ADAM9: variants seen among roughly 807,000 people sequenced by gnomAD.
ADAM9 encodes disintegrin and metalloproteinase domain-containing protein 9.
In ADAM9, 54 loss-of-function variants were observed where a neutral mutation model predicts 108.1. That is an observed-to-expected ratio of 0.50 (90% confidence interval 0.40 to 0.63). ADAM9 has a LOEUF of 0.63. Among genes scored for constraint, ADAM9 ranks in the 20% least tolerant of loss-of-function variants. The probability of loss-of-function intolerance (pLI) is 0.00; values close to 1 mark genes in which losing one functional copy is unlikely to be tolerated. For missense variants in ADAM9, 830 were observed against 997.7 expected (o/e 0.83, Z 2.26); for synonymous variants, 316 against 336.0 (o/e 0.94, Z 0.65).
chr8:39,011,359 A>T (rs2129432434), intron 2 of ADAM9, among the ~76,000 whole-genome samples: 1 of 152,324 alleles, frequency 6.6e-6, no homozygotes, highest in South Asian at 2.1e-4. Context: ...ACTGTAGGTA[A>T]TACATCGATG....
At chr8:39,045,236 GTGTATACATACATATATGTGTATATA>G (rs1451688669) in intron 12 of ADAM9, among the ~76,000 whole-genome samples, 6 of 146,590 alleles carry the variant, frequency 4.1e-5, no homozygotes, top group Non-Finnish European at 6.1e-5. Flanking sequence ...GTGTATATAT[GTGTATACATACATATATGTGTATATA>G]TGTGTATACA....
rs986772796 is a variant in ADAM9 at position 39,103,896 on chromosome 8, G to A, written c.*196G>A. On this transcript the variant is annotated 3_prime_UTR_variant, in exon 22 of 22. Coordinates refer to ENST00000487273, the MANE Select transcript of ADAM9 (RefSeq NM_003816.3). ...AATACAAGGAAATGCAGTAAAGCCA[G>A]GGAATTTACAATAACATTTCCGTTT... 7.2e-6 allele frequency: 5 copies of A among 698,478 alleles called. No individual in the cohort carries two copies. Among genetic ancestry groups the A allele is most frequent in the Non-Finnish European group, 1.3e-5 (5 of 385,544 alleles). 43.3% of individuals were successfully genotyped at this position (698,478 alleles called of 1,614,324 possible).
chr8:39,014,181 T>C (rs1836451179), intron 4 of ADAM9, 138 bp downstream of exon 4: 11 of 727,148 alleles, frequency 1.5e-5, no homozygotes, highest in South Asian at 9.4e-5. Flanking sequence ...ATGGGTTATC[T>C]TGGGAAAAGT....
chr8:39,013,975 C>T lies in ADAM9; in HGVS notation c.265C>T (p.Pro89Ser). ...TTATTTCTCTTCCAGAGACCTTTTG[C>T]CTGAAGATTTTGTGGTTTATACTTA... is the stretch of plus-strand genomic sequence containing the variant. Reference protein sequence around the residue: ...IHLERNKDLLPEDFVVYTYNK... With the variant: ...IHLERNKDLLSEDFVVYTYNK... The change falls in exon 4 of 22, where the codon CCT becomes TCT. Residue 89 changes from proline (P) to serine (S), a missense_variant. By Grantham distance (74) the Pro-to-Ser change is moderately conservative. Around this residue, in one of 3 missense-constraint regions of ADAM9, gnomAD observed 211 missense variants for 222.2 expected, o/e 0.95. Transcript: ENST00000487273. 6.2e-7 allele frequency: 1 copy of T among 1,613,046 alleles called. No homozygotes were observed. The highest frequency in any genetic ancestry group is 8.5e-7 in the Non-Finnish European group (1 of 1,179,366).
intron 6 of ADAM9, 135 bp downstream of exon 6, chr8:39,017,549 G>A (rs370514857): frequency 8.4e-6 from 7 of 836,098 alleles, no homozygotes; most frequent in East Asian, 8.0e-5. Flanking sequence ...CAGACATTGT[G>A]ATAGGTACTA....
intron 2 of ADAM9, among the ~76,000 whole-genome samples, chr8:39,009,886 T>A (rs1196137083): frequency 5.1e-5 from 4 of 78,640 alleles, no homozygotes; most frequent in Non-Finnish European, 9.3e-5. Context: ...GGAGCTTGCA[T>A]TCTAGTGATG....
At chr8:39,034,107 GGTT>G (rs1156787059) in intron 11 of ADAM9, among the ~76,000 whole-genome samples, 1 of 152,072 alleles carries the variant, frequency 6.6e-6, no homozygotes, top group African/African-American at 2.4e-5. Context: ...TGCCCAGGCT[GGTT>G]TTGAACTCCT....
intron 20 of ADAM9, among the ~76,000 whole-genome samples, chr8:39,097,074 A>T (rs1564386149): frequency 6.6e-6 from 1 of 151,988 alleles, no homozygotes; most frequent in Non-Finnish European, 1.5e-5. Context: ...TTTGTCATTT[A>T]TTATTGGGAT....
chr8:39,017,062 C>G, intron 5 of ADAM9, 157 bp from the exon 6 acceptor site: 1 of 789,294 alleles, frequency 1.3e-6, no homozygotes, highest in South Asian at 1.7e-5. Context: ...TAGGTCCGTC[C>G]CAGCCCTATC....
chr8:39,044,727 G>C (rs1486144895), intron 12 of ADAM9, among the ~76,000 whole-genome samples: 1 of 152,144 alleles, frequency 6.6e-6, no homozygotes, highest in African/African-American at 2.4e-5. Context: ...AGAATATGCA[G>C]TGTTTGATTT....
chr8:39,087,204 C>A (rs1420966224), intron 18 of ADAM9, among the ~76,000 whole-genome samples: 1 of 152,184 alleles, frequency 6.6e-6, no homozygotes, highest in Non-Finnish European at 1.5e-5. Context: ...TGTTAACTTT[C>A]TTTAGGCACT....
At chr8:38,999,765 T>A (rs974379280) in intron 1 of ADAM9, among the ~76,000 whole-genome samples, 48 of 152,228 alleles carry the variant, frequency 3.2e-4, no homozygotes, top group Non-Finnish European at 1.0e-4. Context: ...ACCAAATTTA[T>A]ATTTGCTCTT....
chr8:39,078,596 A>G (rs575167157), intron 16 of ADAM9, among the ~76,000 whole-genome samples: 2 of 152,272 alleles, frequency 1.3e-5, no homozygotes, highest in African/African-American at 4.8e-5. Flanking sequence ...AGCCTGACCA[A>G]CATGGTGAAA....
intron 1 of ADAM9, among the ~76,000 whole-genome samples, chr8:39,000,281 C>T (rs1427321918): frequency 2.6e-5 from 4 of 152,254 alleles, no homozygotes; most frequent in African/African-American, 7.2e-5. Flanking sequence ...CATGAGCCAC[C>T]GCGCCCCAGC....
At chr8:39,079,256 A>G (rs1177737950) in intron 16 of ADAM9, among the ~76,000 whole-genome samples, 1 of 152,118 alleles carries the variant, frequency 6.6e-6, no homozygotes, top group Non-Finnish European at 1.5e-5. Flanking sequence ...AGGTGTAACC[A>G]GCATGCCTGG....
chr8:39,103,932 A>C lies in ADAM9; in HGVS notation c.*232A>C, dbSNP rs1839782521. The C allele has an allele frequency of 1.5e-6, 1 of 670,088 alleles. No homozygotes were observed. The highest frequency in any genetic ancestry group is 1.5e-5 in the South Asian group (1 of 66,420). 41.5% of individuals were successfully genotyped at this position (670,088 alleles called of 1,614,324 possible). On this transcript the variant is annotated 3_prime_UTR_variant, in exon 22 of 22. Transcript: ENST00000487273. ...ATAACATTTCCGTTTCCATCATTGA[A>C]TAAGTCTTATTCAGTCATCGGTGAG... is the stretch of plus-strand genomic sequence containing the variant.
chr8:39,011,542 G>A, intron 2 of ADAM9, 116 bp from the exon 3 acceptor site: 1 of 905,856 alleles, frequency 1.1e-6, no homozygotes. Context: ...AAATAGTTCA[G>A]CCAATACCAA....
In ADAM9 at chr8:39,042,057, T is replaced by C; in HGVS notation, c.1242T>C (p.Ala414=). 1 of 1,614,140 alleles carries C rather than the reference T, an allele frequency of 6.2e-7. No homozygotes were observed. Residue 414 remains alanine, a synonymous_variant, in exon 12 of 22, where the codon GCT becomes GCC. Coordinates refer to ENST00000487273, the MANE Select transcript of ADAM9 (RefSeq NM_003816.3). ...CAAAGCCTGATGAAGCCTATAGTGC[T>C]CCCTCCTGTGGTAATAAGTTGGTGG... ...NIPKPDEAYS[A]PSCGNKLVDA...
At chr8:39,046,594 A>G (rs1012192980) in intron 12 of ADAM9, among the ~76,000 whole-genome samples, 1 of 151,860 alleles carries the variant, frequency 6.6e-6, no homozygotes, top group African/African-American at 2.4e-5. Flanking sequence ...TAGCTATGGG[A>G]ATTTCATATA....
Sources: gnomAD v4.1 joint callset for allele counts (sites outside exome capture counted in the v4.1 genomes callset) on GRCh38, gnomAD v4.1.1 for gene constraint, gnomAD v4.1.1 regional missense constraint, MANE v1.5 for transcripts, NCBI Gene and HGNC (gene_info 2026-07-23, HGNC 2026-07-21) for gene names.